The following PAPPA2 variants were observed in gnomAD, a reference collection of about 807,000 sequenced individuals.
PAPPA2 encodes the protein pappalysin-2.
Under a neutral mutation model 176.4 loss-of-function variants are expected in PAPPA2, and 86 were observed. That is an observed-to-expected ratio of 0.49 (90% CI 0.41 to 0.58). The LOEUF is 0.58. Ranked by LOEUF, PAPPA2 falls within the 20% of genes least tolerant of loss-of-function variation. PAPPA2 has a pLI of 0.00. For synonymous variants in PAPPA2, 809 were observed against 852.2 expected (o/e 0.95, Z 0.88); for missense variants, 2,073 against 2,256.9 (o/e 0.92, Z 1.65).
At chr1:176,725,084 A>C (rs570773079) in intron 12 of PAPPA2, among the ~76,000 whole-genome samples, 1 of 152,304 alleles carries the variant, frequency 6.6e-6, no homozygotes, top group Admixed American at 6.5e-5. Context: ...ACAACTACTT[A>C]ACTACTACTT....
Position 176,539,488 on chromosome 1 carries a change from C to G in PAPPA2, c.-916-15919C>G, listed in dbSNP as rs976870361. On this transcript the variant is annotated intron_variant, in intron 1 of 22. Coordinates refer to ENST00000367662, the MANE Select transcript of PAPPA2 (RefSeq NM_020318.3). ...TTGTTGTCCCGGCTCTGTTCTAGGCCCTAGGGACATACAGCTAAATAAGGG... is the reference window on the plus strand; with the variant it reads ...TTGTTGTCCCGGCTCTGTTCTAGGCGCTAGGGACATACAGCTAAATAAGGG... Among the ~76,000 whole-genome samples the G allele has an allele frequency of 2.0e-5, 3 of 152,108 alleles. No homozygotes were observed. The East Asian group carries it at 5.8e-4, about 29-fold the overall frequency.
intron 1 of PAPPA2, among the ~76,000 whole-genome samples, chr1:176,466,888 C>T (rs1651647347): frequency 6.6e-6 from 1 of 152,158 alleles, no homozygotes; most frequent in Non-Finnish European, 1.5e-5. Context: ...CAGTGAAATT[C>T]TGGTGTTAGG....
chr1:176,594,635 C>A lies in PAPPA2; in HGVS notation c.1031C>A (p.Thr344Asn). 1 of 1,614,192 alleles carries A rather than the reference C, an allele frequency of 6.2e-7. No individual in the cohort carries two copies. The highest frequency in any genetic ancestry group is 8.5e-7 in the Non-Finnish European group (1 of 1,180,030). The stretch of plus-strand genomic sequence containing the variant: ...GCTCGCTTCTTCTTCTCCCTCTGCA[C>A]CGACCGCGTGAAGAAAGCCACCATC... ...RDARFFFSLC[T>N]DRVKKATILI... Residue 344 changes from threonine (T) to asparagine (N), a missense_variant, in exon 3 of 23, where the codon ACC (threonine) becomes AAC (asparagine). By Grantham distance (65) the Thr-to-Asn change is moderately conservative. This residue lies in a region of PAPPA2 where 1,196 missense variants were observed against 1,330.4 expected (regional missense o/e 0.90). Transcript: ENST00000367662.
At chr1:176,593,448 A>G (rs1459002576) in intron 2 of PAPPA2, among the ~76,000 whole-genome samples, 2 of 152,184 alleles carry the variant, frequency 1.3e-5, no homozygotes, top group African/African-American at 2.4e-5. Flanking sequence ...AGCATTTCCT[A>G]TGTGATGTAC....
At chr1:176,655,275 A>G (rs1370474475) in intron 3 of PAPPA2, among the ~76,000 whole-genome samples, 1 of 151,856 alleles carries the variant, frequency 6.6e-6, no homozygotes, top group Non-Finnish European at 1.5e-5. Flanking sequence ...GGTTTTTATC[A>G]TGAAGTGATG....
At chr1:176,816,912 G>A (rs891528708) in intron 21 of PAPPA2, among the ~76,000 whole-genome samples, 1 of 152,104 alleles carries the variant, frequency 6.6e-6, no homozygotes, top group Admixed American at 6.6e-5. Flanking sequence ...TCTCTTCAAG[G>A]TGGTTAACTC....
chr1:176,674,232 A>G (rs1659164669), intron 4 of PAPPA2, among the ~76,000 whole-genome samples: 1 of 152,106 alleles, frequency 6.6e-6, no homozygotes, highest in African/African-American at 2.4e-5. Context: ...TACAGCTTAT[A>G]CAAAGCCTAA....
chr1:176,668,109 C>T (rs1275859268), intron 3 of PAPPA2, among the ~76,000 whole-genome samples: 2 of 152,098 alleles, frequency 1.3e-5, no homozygotes, highest in African/African-American at 4.8e-5. Flanking sequence ...TGTGTACTCT[C>T]CACGGGGCAT....
intron 1 of PAPPA2, among the ~76,000 whole-genome samples, chr1:176,527,445 G>C (rs1443485983): frequency 6.6e-6 from 1 of 152,172 alleles, no homozygotes; most frequent in African/African-American, 2.4e-5. Flanking sequence ...TCTTGCTTCA[G>C]GATAAAGATA....
intron 9 of PAPPA2, 73 bp downstream of exon 9, chr1:176,702,808 GGA>G: frequency 6.8e-7 from 1 of 1,477,562 alleles, no homozygotes; most frequent in South Asian, 1.2e-5. Context: ...AGAGAGGGAG[GGA>G]GAGAGAGCAG....
chr1:176,491,421 G>A (rs548140534), intron 1 of PAPPA2, among the ~76,000 whole-genome samples: 1 of 152,308 alleles, frequency 6.6e-6, no homozygotes, highest in Non-Finnish European at 1.5e-5. Flanking sequence ...GGAGTTAGAG[G>A]AGGGAGGAAG....
intron 3 of PAPPA2, among the ~76,000 whole-genome samples, chr1:176,641,837 T>C (rs1657109902): frequency 6.6e-6 from 1 of 151,992 alleles, no homozygotes; most frequent in Non-Finnish European, 1.5e-5. Flanking sequence ...TCTTAATGAC[T>C]CTGGGTGATG....
At chr1:176,628,667 G>A (rs1277153000) in intron 3 of PAPPA2, among the ~76,000 whole-genome samples, 1 of 152,096 alleles carries the variant, frequency 6.6e-6, no homozygotes, top group African/African-American at 2.4e-5. Flanking sequence ...ATGAACCCAA[G>A]CAAAGTAGAG....
At chr1:176,703,390 T>A (rs1039233819) in intron 9 of PAPPA2, among the ~76,000 whole-genome samples, 8 of 152,230 alleles carry the variant, frequency 5.3e-5, no homozygotes, top group African/African-American at 1.7e-4. Context: ...TGCCTGGGAC[T>A]TCCCCGGTTT....
At chr1:176,727,682 A>G (rs901247227) in intron 12 of PAPPA2, among the ~76,000 whole-genome samples, 9 of 152,050 alleles carry the variant, frequency 5.9e-5, no homozygotes, top group African/African-American at 2.2e-4. Context: ...AAACAGATAT[A>G]TAAGATTTGA....
rs1441528045 is a variant in PAPPA2, at chr1:176,702,743, TTTTG to T, written c.3365+10_3365+13del. On this transcript the variant is annotated intron_variant, in intron 9 of 22. Transcript: ENST00000367662. The stretch of plus-strand genomic sequence containing the variant: ...AGATGGGAAGGTGTCAGAGTGAGTA[TTTTG>T]TGTGTGTGTGTGTGTGTGTGTGTGT... 1 of 1,544,000 alleles carries T rather than the reference TTTTG, an allele frequency of 6.5e-7. No homozygotes were observed. Among genetic ancestry groups the T allele is most frequent in the East Asian group, 2.3e-5 (1 of 44,090 alleles).
chr1:176,740,251 G>T (rs1334907382), intron 14 of PAPPA2, 55 bp downstream of exon 14: 4 of 1,513,772 alleles, frequency 2.6e-6, no homozygotes, highest in Middle Eastern at 1.7e-4. Flanking sequence ...CTAATGATTG[G>T]CTCACATTTA....
In PAPPA2 at chr1:176,740,053, C is replaced by T. The variant is rs183508026; in HGVS notation, c.4008C>T (p.His1336=). The T allele has an allele frequency of 1.2e-6, 2 of 1,613,968 alleles. No individual in the cohort carries two copies. The highest frequency in any genetic ancestry group is 8.5e-7 in the Non-Finnish European group (1 of 1,179,888). Residue 1336 remains histidine (H), a synonymous_variant, in exon 14 of 23, where the codon CAC becomes CAT. Transcript: ENST00000367662. ...CCCATCACCAGAATGTCCTTTTCCA[C>T]CATACCACCTCAGTGCTGCTGAATT... ...NVTHHQNVLF[H]HTTSVLLNFS... is the part of the protein sequence containing the mutation.
chr1:176,780,888 A>T (rs1316862005), intron 17 of PAPPA2, among the ~76,000 whole-genome samples: 1 of 152,144 alleles, frequency 6.6e-6, no homozygotes, highest in Non-Finnish European at 1.5e-5. Context: ...CCATGCACTG[A>T]TGAGAATTGA....
Sources: allele counts gnomAD v4.1 joint callset (sites outside exome capture counted in the v4.1 genomes callset), GRCh38; gene constraint gnomAD v4.1.1; regional missense constraint gnomAD v4.1.1; transcripts MANE v1.5; gene names NCBI Gene and HGNC (gene_info 2026-07-23, HGNC 2026-07-21).